Variants in UGGT2 observed in about 807,000 individuals in gnomAD.
UGGT2 encodes UDP-glucose:glycoprotein glucosyltransferase 2.
A neutral mutation model predicts 192.1 loss-of-function variants in UGGT2; 180 were observed. The observed-to-expected ratio is 0.94, with a 90% confidence interval of 0.83 to 1.06. The LOEUF (loss-of-function observed/expected upper bound fraction) is 1.06, where lower values mean the gene tolerates loss of function less well. UGGT2 is among the 50% of genes least tolerant of loss of function. UGGT2 has a pLI of 0.00. For synonymous variants in UGGT2, 580 were observed against 591.0 expected, an observed-to-expected ratio of 0.98 and a Z score of 0.27; for missense variants, 1,849 against 1,795.7, an observed-to-expected ratio of 1.03 and a Z score of -0.54.
intron 20 of UGGT2, among the ~76,000 whole-genome samples, chr13:95,921,102 C>A (rs1009921376): frequency 6.6e-6 from 1 of 152,026 alleles, no homozygotes; most frequent in African/African-American, 2.4e-5. Context: ...AACAGAAAAC[C>A]AAACACCACA....
chr13:96,013,501 CAA>C lies in UGGT2; in HGVS notation c.486-22_486-21del. ...CTAGTCCTAAGATAAAAGCAAAACA[CAA>C]AGTTTTGAAAAAACTGAAAGTTAAT... On this transcript the variant is annotated intron_variant, in intron 4 of 38. Transcript: ENST00000376747. The C allele has an allele frequency of 6.8e-7, 1 of 1,472,968 alleles. No individual in the cohort carries two copies. The highest frequency in any genetic ancestry group is 2.6e-5 in the Admixed American group (1 of 38,866). 91.2% of individuals were successfully genotyped at this position (1,472,968 alleles called of 1,614,324 possible).
Position 95,867,410 on chromosome 13 carries a change from C to A in UGGT2, c.3487G>T (p.Asp1163Tyr). 6.2e-7 allele frequency: 1 copy of A among 1,605,174 alleles called. No homozygotes were observed. Among genetic ancestry groups the A allele is most frequent in the South Asian group, 1.1e-5 (1 of 88,550 alleles). Residue 1163 changes from aspartate to tyrosine, a missense_variant, in exon 30 of 39, where the codon GAC becomes TAC. Coordinates refer to ENST00000376747, the MANE Select transcript of UGGT2 (RefSeq NM_020121.4). ...ATATCTTCTAGGTCTGCTTGAGAGT[C>A]AGTTCCTTCATGCCTAAAAGTAGAA... The part of the protein sequence containing the change: ...IYQIVGHEGT[D>Y]SQADLEDIIV...
intron 1 of UGGT2, among the ~76,000 whole-genome samples, chr13:96,033,418 G>A (rs1185240948): frequency 6.6e-6 from 1 of 152,100 alleles, no homozygotes; most frequent in Non-Finnish European, 1.5e-5. Context: ...CTCCCCAGGT[G>A]CAGCTGTCCG....
rs2049711324 is a variant in UGGT2, at chr13:95,942,224, GTGTGTGTGTGTGT to G, written c.1678-2146_1678-2134del. ...CAAGAGCTTCTCTTAGGGTGAGGGT[GTGTGTGTGTGTGT>G]GTGTGTGTGTGTGTGTGTGTGTGTG... On this transcript the variant is annotated intron_variant, in intron 15 of 38. Coordinates refer to ENST00000376747, the MANE Select transcript of UGGT2 (RefSeq NM_020121.4). 1.2e-3 allele frequency among the ~76,000 whole-genome samples: 97 copies of G among 82,728 alleles called. 1 individual carries two copies. In the East Asian group the frequency reaches 0.019, roughly 16 times the overall value. 54.3% of individuals were successfully genotyped at this position (82,728 alleles called of 152,430 possible).
chr13:95,896,962 C>T (rs567664113), intron 22 of UGGT2, among the ~76,000 whole-genome samples: 1 of 152,180 alleles, frequency 6.6e-6, no homozygotes, highest in East Asian at 1.9e-4. Context: ...CATCCACATA[C>T]TGAGCTAAAA....
intron 38 of UGGT2, among the ~76,000 whole-genome samples, chr13:95,808,500 T>A (rs954544318): frequency 6.6e-6 from 1 of 152,184 alleles, no homozygotes; most frequent in Non-Finnish European, 1.5e-5. Context: ...TTCTTTTTTT[T>A]TTCTTTCATA....
intron 1 of UGGT2, among the ~76,000 whole-genome samples, chr13:96,051,989 G>C (rs965367399): frequency 6.6e-6 from 1 of 152,100 alleles, no homozygotes; most frequent in Non-Finnish European, 1.5e-5. Context: ...TATCTACCCA[G>C]AGGAAAAGAA....
Position 95,977,504 on chromosome 13 carries a change from A to G in UGGT2, c.1093-4833T>C, listed in dbSNP as rs556899233. Among the ~76,000 whole-genome samples the G allele has an allele frequency of 2.0e-5, 3 of 152,366 alleles. No homozygotes were observed. The East Asian group carries it at 5.8e-4, about 29-fold the overall frequency. On this transcript the variant is annotated intron_variant, in intron 10 of 38. Transcript: ENST00000376747. Reference sequence around the variant, plus strand: ...CAAAACCACAATGAGATACCATCTCATGCCAGTTAGAATGGTGATCATTAA... The same window carrying G: ...CAAAACCACAATGAGATACCATCTCGTGCCAGTTAGAATGGTGATCATTAA...
rs1300618926 is a variant in UGGT2 at position 95,905,321 on chromosome 13, T to C, written c.2296-2261A>G. Among the ~76,000 whole-genome samples the C allele has an allele frequency of 1.4e-4, 20 of 146,660 alleles. No individual in the cohort carries two copies. In the Middle Eastern group the frequency reaches 0.011, roughly 78 times the overall value. The stretch of plus-strand genomic sequence containing the variant: ...TTTAATTAGATCCCATTTGTCAATT[T>C]TGGCTTTTGTTGCCATTGCTTTTGG... On this transcript the variant is annotated intron_variant, in intron 20 of 38. Coordinates refer to ENST00000376747, the MANE Select transcript of UGGT2 (RefSeq NM_020121.4).
chr13:95,896,277 A>G (rs567995892), intron 22 of UGGT2, among the ~76,000 whole-genome samples: 66 of 152,204 alleles, frequency 4.3e-4, no homozygotes, highest in African/African-American at 1.6e-3. Flanking sequence ...GAATCTTTCT[A>G]TCCCATTTTC....
Position 95,949,318 on chromosome 13 carries a change from C to A in UGGT2, c.1455+17G>T. 6.7e-7 allele frequency: 1 copy of A among 1,497,388 alleles called. No homozygotes were observed. The highest frequency in any genetic ancestry group is 2.4e-5 in the East Asian group (1 of 41,978). The allele number at this position is 1,497,388 out of a possible 1,614,324, so 92.8% of individuals were successfully genotyped here. On this transcript the variant is annotated intron_variant, in intron 13 of 38. Transcript: ENST00000376747. ...TCTTTATAAGATATATATGTATAAT[C>A]AAAATATAAAACTCACCAAATTATG...
At chr13:95,949,251 C>T (rs748620834) in intron 13 of UGGT2, 84 bp downstream of exon 13, 82 of 1,244,572 alleles carry the variant, frequency 6.6e-5, no homozygotes, top group Non-Finnish European at 8.2e-5. Flanking sequence ...AACTCAGATG[C>T]CTATTCATTG....
intron 1 of UGGT2, among the ~76,000 whole-genome samples, chr13:96,043,674 T>C (rs1188667240): frequency 1.3e-5 from 2 of 152,138 alleles, no homozygotes; most frequent in Non-Finnish European, 2.9e-5. Context: ...TAGAAAAAGA[T>C]ATTCCATGCA....
At position 95,940,004 on chromosome 13, in the gene UGGT2, T is replaced by G; in HGVS notation, c.1765A>C (p.Ile589Leu). 1 of 1,601,874 alleles carries G rather than the reference T, an allele frequency of 6.2e-7. No individual in the cohort carries two copies. Among genetic ancestry groups the G allele is most frequent in the Non-Finnish European group, 8.5e-7 (1 of 1,175,240 alleles). ...VLQNTFPHAN[I>L]WDILGIHSKY... ...GAATGAATTCCCAAAATATCCCAAA[T>G]ATTAGCATGAGGAAATGTATTTTGG... Residue 589 changes from isoleucine to leucine, a missense_variant, in exon 16 of 39, where the codon ATT becomes CTT. Physicochemically the swap from Ile to Leu is conservative, Grantham distance 5 (BLOSUM62 2). Transcript: ENST00000376747.
chr13:95,978,967 T>G (rs9590353), intron 10 of UGGT2, among the ~76,000 whole-genome samples: 15,751 of 152,226 alleles, frequency 0.1, 816 homozygotes, highest in East Asian at 0.16. Flanking sequence ...GTGCAATCCT[T>G]TATTTGAATA....
intron 24 of UGGT2, among the ~76,000 whole-genome samples, chr13:95,893,904 G>A (rs1255460773): frequency 2.0e-5 from 3 of 152,122 alleles, no homozygotes; most frequent in Admixed American, 2.0e-4. Context: ...TGGACCCTTG[G>A]TCCACGCAGC....
chr13:95,834,376 G>T (rs1887058823), intron 37 of UGGT2, among the ~76,000 whole-genome samples: 1 of 151,916 alleles, frequency 6.6e-6, no homozygotes, highest in Admixed American at 6.6e-5. Flanking sequence ...GCCATCTAGT[G>T]GACAGAGGCC....
chr13:96,037,339 T>C (rs1287184904), intron 1 of UGGT2, among the ~76,000 whole-genome samples: 1 of 152,174 alleles, frequency 6.6e-6, no homozygotes, highest in African/African-American at 2.4e-5. Flanking sequence ...GCTAGGATTA[T>C]AGGCATGTGC....
At chr13:95,941,914 T>C (rs1416969454) in intron 15 of UGGT2, among the ~76,000 whole-genome samples, 1 of 152,218 alleles carries the variant, frequency 6.6e-6, no homozygotes, top group African/African-American at 2.4e-5. Flanking sequence ...AATTTGCATT[T>C]ATCATTCCCT....
Sources: gnomAD v4.1 joint callset for allele counts (sites outside exome capture counted in the v4.1 genomes callset) on GRCh38, gnomAD v4.1.1 for gene constraint, MANE v1.5 for transcripts, NCBI Gene and HGNC (gene_info 2026-07-23, HGNC 2026-07-21) for gene names.